The following GPR39 variants were observed in gnomAD, a reference collection of about 807,000 sequenced individuals.
GPR39 encodes the protein G protein-coupled receptor 39.
GPR39 carries 23 observed loss-of-function variants against 18.4 expected under a neutral mutation model. That is an observed-to-expected ratio of 1.25 (90% CI 0.90 to 1.77). The LOEUF (loss-of-function observed/expected upper bound fraction) is 1.77. Among genes scored for constraint, GPR39 ranks in the 40% most tolerant of loss-of-function variants. The pLI is 0.00. For synonymous variants in GPR39, 280 were observed against 257.9 expected, an observed-to-expected ratio of 1.09 and a Z score of -0.82; for missense variants, 647 against 602.4, an observed-to-expected ratio of 1.07 and a Z score of -0.78.
chr2:132,529,515 C>T (rs1314502696), intron 1 of GPR39, among the ~76,000 whole-genome samples: 2 of 152,242 alleles, frequency 1.3e-5, no homozygotes, highest in South Asian at 2.1e-4. Context: ...GTGGTTCTCC[C>T]AGCACGCAGC....
intron 1 of GPR39, among the ~76,000 whole-genome samples, chr2:132,577,596 T>A (rs1680552043): frequency 6.6e-6 from 1 of 152,210 alleles, no homozygotes; most frequent in African/African-American, 2.4e-5. Context: ...GTATAAGACA[T>A]ATATGATTTG....
intron 1 of GPR39, among the ~76,000 whole-genome samples, chr2:132,569,735 C>G (rs746529139): frequency 1.1e-4 from 16 of 152,034 alleles, no homozygotes; most frequent in Non-Finnish European, 2.1e-4. Flanking sequence ...CCCATAATTC[C>G]CATGTGTTGT....
chr2:132,495,729 T>G (rs1681628739), intron 1 of GPR39, among the ~76,000 whole-genome samples: 1 of 152,062 alleles, frequency 6.6e-6, no homozygotes, highest in Non-Finnish European at 1.5e-5. Flanking sequence ...TTGGAGAAAT[T>G]TTATCAGTAT....
intron 1 of GPR39, among the ~76,000 whole-genome samples, chr2:132,521,493 C>G (rs1679425606): frequency 6.6e-6 from 1 of 152,192 alleles, no homozygotes; most frequent in Admixed American, 6.5e-5. Flanking sequence ...TCTGTCCTGC[C>G]TGTTTCACCT....
intron 1 of GPR39, among the ~76,000 whole-genome samples, chr2:132,601,333 A>G (rs1681039113): frequency 6.6e-6 from 1 of 152,234 alleles, no homozygotes; most frequent in East Asian, 1.9e-4. Flanking sequence ...AATGTGATAC[A>G]CAACATCAAG....
At chr2:132,630,442 G>C (rs992763239) in intron 1 of GPR39, among the ~76,000 whole-genome samples, 5 of 152,166 alleles carry the variant, frequency 3.3e-5, no homozygotes, top group African/African-American at 1.2e-4. Context: ...TGAGGAGCAG[G>C]TACAGCAAGG....
At chr2:132,532,469 G>A (rs573448589) in intron 1 of GPR39, among the ~76,000 whole-genome samples, 2 of 152,098 alleles carry the variant, frequency 1.3e-5, no homozygotes, top group Non-Finnish European at 2.9e-5. Context: ...AATAGAAAAA[G>A]AGGGAATCCT....
At chr2:132,521,023 G>A (rs1295584499) in intron 1 of GPR39, among the ~76,000 whole-genome samples, 1 of 152,162 alleles carries the variant, frequency 6.6e-6, no homozygotes, top group Non-Finnish European at 1.5e-5. Flanking sequence ...CCTGGAAATG[G>A]GCTGTTCAGG....
chr2:132,517,918 G>T (rs1679361690), intron 1 of GPR39, among the ~76,000 whole-genome samples: 1 of 152,162 alleles, frequency 6.6e-6, no homozygotes, highest in Non-Finnish European at 1.5e-5. Context: ...ACATATGTGG[G>T]TATATTGAAA....
chr2:132,596,972 G>A (rs913374033), intron 1 of GPR39, among the ~76,000 whole-genome samples: 8 of 152,136 alleles, frequency 5.3e-5, no homozygotes, highest in Non-Finnish European at 7.4e-5. Flanking sequence ...TGATGTTTCC[G>A]TTTTTCATTT....
intron 1 of GPR39, among the ~76,000 whole-genome samples, chr2:132,536,267 T>A (rs1679756342): frequency 6.6e-6 from 1 of 152,222 alleles, no homozygotes; most frequent in Non-Finnish European, 1.5e-5. Flanking sequence ...TCTGATACAT[T>A]GTCTCTTTGT....
intron 1 of GPR39, among the ~76,000 whole-genome samples, chr2:132,443,168 C>T (rs1558800077): frequency 3.9e-5 from 6 of 152,024 alleles, no homozygotes. Context: ...TTAGAATAAA[C>T]ATTATATTAA....
At chr2:132,427,527 A>G (rs1680149421) in intron 1 of GPR39, among the ~76,000 whole-genome samples, 1 of 150,720 alleles carries the variant, frequency 6.6e-6, no homozygotes, top group Non-Finnish European at 1.5e-5. Context: ...ATGAGTATGT[A>G]ATATAACATA....
intron 1 of GPR39, among the ~76,000 whole-genome samples, chr2:132,525,260 G>GCTCA (rs1434691384): frequency 6.6e-6 from 1 of 152,214 alleles, no homozygotes; most frequent in Non-Finnish European, 1.5e-5. Context: ...GAGGCTGAAG[G>GCTCA]CTCAGCTTGG....
At chr2:132,614,338 C>G (rs886607176) in intron 1 of GPR39, among the ~76,000 whole-genome samples, 1 of 151,840 alleles carries the variant, frequency 6.6e-6, no homozygotes, top group Non-Finnish European at 1.5e-5. Flanking sequence ...TCTCAAGTAG[C>G]TGGGACTACA....
intron 1 of GPR39, among the ~76,000 whole-genome samples, chr2:132,457,600 TGAG>T (rs1431478741): frequency 6.6e-6 from 1 of 152,240 alleles, no homozygotes; most frequent in African/African-American, 2.4e-5. Context: ...GGGACCCACT[TGAG>T]GAGGCAGTCT....
chr2:132,608,548 G>GT (rs1243730445), intron 1 of GPR39, among the ~76,000 whole-genome samples: 1 of 152,202 alleles, frequency 6.6e-6, no homozygotes, highest in Non-Finnish European at 1.5e-5. Flanking sequence ...GGCCTGCTGA[G>GT]TGGCCGTGTC....
Position 132,645,412 on chromosome 2 carries a change from C to T in GPR39, c.1168C>T (p.Arg390Cys), listed in dbSNP as rs16838944. The part of the protein sequence containing the change: ...STTDSARFVQ[R>C]PLLFASRRQS... ...CACCGACAGCGCCCGCTTTGTGCAG[C>T]GCCCGTTGCTCTTCGCGTCCCGGCG... Residue 390 changes from arginine (R) to cysteine (C), a missense_variant, in exon 2 of 2, where the codon CGC becomes TGC. Physicochemically the swap from Arg to Cys is radical, Grantham distance 180. Around this residue, in one of 3 missense-constraint regions of GPR39, gnomAD observed 581 missense variants for 506.8 expected, o/e 1.15. Transcript: ENST00000329321. 749 of 1,613,502 alleles carry T rather than the reference C, an allele frequency of 4.6e-4. No individual in the cohort carries two copies. Among genetic ancestry groups the T allele is most frequent in the Non-Finnish European group, 6.0e-4 (706 of 1,180,022 alleles).
intron 1 of GPR39, among the ~76,000 whole-genome samples, chr2:132,634,292 A>C (rs1681710034): frequency 6.6e-6 from 1 of 152,178 alleles, no homozygotes; most frequent in Non-Finnish European, 1.5e-5. Flanking sequence ...GTCTCCTTTG[A>C]TCCTCCTGGC....
Sources: gnomAD v4.1 joint callset for allele counts (sites outside exome capture counted in the v4.1 genomes callset) on GRCh38, gnomAD v4.1.1 for gene constraint, gnomAD v4.1.1 regional missense constraint, MANE v1.5 for transcripts, NCBI Gene and HGNC (gene_info 2026-07-23, HGNC 2026-07-21) for gene names.